Variants in ACOXL observed in about 807,000 individuals in gnomAD.
The protein encoded by ACOXL is acyl-CoA oxidase like, also known as acyl-coenzyme A oxidase-like protein.
Under a neutral mutation model 71.9 loss-of-function variants are expected in ACOXL, and 70 were observed. The observed-to-expected ratio is 0.97, with a 90% CI of 0.80 to 1.19. The LOEUF is 1.19. Ranked by LOEUF, ACOXL falls within the 50% of genes most tolerant of loss-of-function variation. The probability of loss-of-function intolerance (pLI) is 0.00; values close to 1 mark genes in which losing one functional copy is unlikely to be tolerated. For synonymous variants in ACOXL, 253 were observed against 281.6 expected (o/e 0.90, Z 1.02); for missense variants, 703 against 736.3 (o/e 0.95, Z 0.52).
chr2:110,860,869 CCT>C (rs981079076), intron 10 of ACOXL, among the ~76,000 whole-genome samples: 17 of 152,198 alleles, frequency 1.1e-4, no homozygotes, highest in Admixed American at 3.3e-4. Context: ...AACACGGCCC[CCT>C]GTTATCCACT....
At chr2:110,873,173 A>G (rs1438862031) in intron 10 of ACOXL, among the ~76,000 whole-genome samples, 2 of 152,206 alleles carry the variant, frequency 1.3e-5, no homozygotes, top group African/African-American at 4.8e-5. Context: ...TGTGTTGTGC[A>G]CACCATGGGT....
chr2:110,922,352 G>A (rs1024688902), intron 11 of ACOXL, among the ~76,000 whole-genome samples: 15 of 152,128 alleles, frequency 9.9e-5, no homozygotes, highest in African/African-American at 9.7e-5. Context: ...TGATGAAACC[G>A]GAAAATTTTT....
intron 12 of ACOXL, among the ~76,000 whole-genome samples, chr2:110,986,196 CATTT>C (rs796428082): frequency 1.3e-4 from 20 of 152,198 alleles, no homozygotes; most frequent in African/African-American, 4.8e-4. Context: ...TCAAAAATGT[CATTT>C]ATGATATATT....
intron 11 of ACOXL, among the ~76,000 whole-genome samples, chr2:110,913,603 A>G (rs1230187851): frequency 2.0e-5 from 3 of 152,186 alleles, no homozygotes. Flanking sequence ...CTGAGGGGTA[A>G]AGGAGGTGTA....
chr2:110,846,797 G>T (rs1691944550), intron 10 of ACOXL, among the ~76,000 whole-genome samples: 1 of 151,078 alleles, frequency 6.6e-6, no homozygotes. Flanking sequence ...TGGGGGGGGT[G>T]TATGTGTTTG....
At chr2:111,032,964 C>G (rs977641006) in intron 15 of ACOXL, among the ~76,000 whole-genome samples, 3 of 152,204 alleles carry the variant, frequency 2.0e-5, no homozygotes, top group Non-Finnish European at 2.9e-5. Flanking sequence ...TTCTAAGGAC[C>G]AGCTCTTGGG....
chr2:110,781,374 G>A (rs1337740983), intron 2 of ACOXL, among the ~76,000 whole-genome samples: 4 of 152,216 alleles, frequency 2.6e-5, no homozygotes, highest in Middle Eastern at 6.8e-3. Context: ...AGGCACAGTC[G>A]TTCACGCCTG....
chr2:110,826,308 C>G (rs974586166), intron 9 of ACOXL, among the ~76,000 whole-genome samples: 9 of 152,196 alleles, frequency 5.9e-5, no homozygotes, highest in African/African-American at 2.2e-4. Flanking sequence ...GTACTCAAGG[C>G]CTGCAAGATG....
chr2:111,090,418 G>T (rs1480562070), intron 16 of ACOXL, among the ~76,000 whole-genome samples: 2 of 152,086 alleles, frequency 1.3e-5, no homozygotes, highest in Admixed American at 6.6e-5. Context: ...TGGTACCTGT[G>T]CCTAGCTGTG....
intron 16 of ACOXL, among the ~76,000 whole-genome samples, chr2:111,052,604 T>A (rs368870688): frequency 6.6e-6 from 1 of 152,208 alleles, no homozygotes; most frequent in Admixed American, 6.5e-5. Flanking sequence ...ATTTGAACCA[T>A]AGAACAATAT....
chr2:110,847,384 C>G (rs1422873016), intron 10 of ACOXL, among the ~76,000 whole-genome samples: 2 of 152,112 alleles, frequency 1.3e-5, no homozygotes, highest in African/African-American at 2.4e-5. Flanking sequence ...TGAACTAATG[C>G]GTGGAATCTG....
chr2:110,963,603 G>C (rs11898941), intron 12 of ACOXL: 6 of 1,293,094 alleles, frequency 4.6e-6, no homozygotes, highest in Admixed American at 2.2e-5. Context: ...GTGTGTGTGT[G>C]TTTTTCTCTT....
At chr2:110,807,078 G>C (rs1037641775) in intron 9 of ACOXL, among the ~76,000 whole-genome samples, 1 of 152,236 alleles carries the variant, frequency 6.6e-6, no homozygotes, top group Non-Finnish European at 1.5e-5. Flanking sequence ...GCCCAGGAGG[G>C]TCTTGGGGGC....
chr2:110,844,171 A>G (rs1264647330), intron 10 of ACOXL, among the ~76,000 whole-genome samples: 1 of 152,200 alleles, frequency 6.6e-6, no homozygotes, highest in Non-Finnish European at 1.5e-5. Flanking sequence ...CAAAATATGA[A>G]TGTCTGATTC....
chr2:110,952,544 A>C (rs547388204), intron 12 of ACOXL, among the ~76,000 whole-genome samples: 1 of 152,228 alleles, frequency 6.6e-6, no homozygotes, highest in African/African-American at 2.4e-5. Flanking sequence ...CCTTGGGCTC[A>C]AGAGATCCTC....
chr2:110,893,153 G>A (rs531711635), intron 10 of ACOXL, among the ~76,000 whole-genome samples: 1 of 152,138 alleles, frequency 6.6e-6, no homozygotes, highest in African/African-American at 2.4e-5. Flanking sequence ...AAAATTAAAA[G>A]TGTACATATT....
chr2:110,829,698 G>A (rs1179241118), intron 9 of ACOXL, among the ~76,000 whole-genome samples: 1 of 152,208 alleles, frequency 6.6e-6, no homozygotes, highest in Non-Finnish European at 1.5e-5. Context: ...AGGCGTCCTT[G>A]ATTTCCCTTG....
intron 17 of ACOXL, among the ~76,000 whole-genome samples, chr2:111,115,112 T>G (rs755713730): frequency 6.6e-6 from 1 of 152,198 alleles, no homozygotes; most frequent in Non-Finnish European, 1.5e-5. Context: ...ACCTATTCAT[T>G]TGTCTTTTTC....
chr2:110,986,031 T>A (rs2062917525), intron 12 of ACOXL, among the ~76,000 whole-genome samples: 1 of 152,246 alleles, frequency 6.6e-6, no homozygotes, highest in African/African-American at 2.4e-5. Flanking sequence ...ATGCTATTTG[T>A]CTGCTTATAT....
Sources: allele counts gnomAD v4.1 joint callset (sites outside exome capture counted in the v4.1 genomes callset), GRCh38; gene constraint gnomAD v4.1.1; transcripts MANE v1.5; gene names NCBI Gene and HGNC (gene_info 2026-07-23, HGNC 2026-07-21).